The following ARHGAP15 variants were observed in gnomAD, a reference collection of about 807,000 sequenced individuals.
The protein encoded by ARHGAP15 is rho GTPase-activating protein 15.
ARHGAP15 carries 51 observed loss-of-function variants against 63.7 expected under a neutral mutation model. That is an observed-to-expected ratio of 0.80 (90% CI 0.64 to 1.01). ARHGAP15 has a LOEUF of 1.01. Ranked by LOEUF, ARHGAP15 falls within the 50% of genes least tolerant of loss-of-function variation. ARHGAP15 has a pLI of 0.00. For missense variants in ARHGAP15, 560 were observed against 564.6 expected (o/e 0.99, Z 0.08); for synonymous variants, 191 against 193.8 (o/e 0.99, Z 0.12).
rs575995213 is a variant in ARHGAP15, at chr2:143,460,441, A to C, written c.703+23399A>C. Among the ~76,000 whole-genome samples the C allele has an allele frequency of 9.8e-5, 15 of 152,306 alleles. No individual in the cohort carries two copies. In the South Asian group the frequency reaches 3.1e-3, roughly 32 times the overall value. On this transcript the variant is annotated intron_variant, in intron 8 of 13. Coordinates refer to ENST00000295095, the MANE Select transcript of ARHGAP15 (RefSeq NM_018460.4). Reference sequence around the variant, plus strand: ...GAAGGCATGAATGACAGACATCTGGAAAATATATATATATCTAGACACTGA... The same window carrying C: ...GAAGGCATGAATGACAGACATCTGGCAAATATATATATATCTAGACACTGA...
chr2:143,281,315 CA>C (rs1016946184), intron 6 of ARHGAP15, among the ~76,000 whole-genome samples: 4 of 152,016 alleles, frequency 2.6e-5, no homozygotes, highest in African/African-American at 9.7e-5. Flanking sequence ...CACAAGACAC[CA>C]TTAGGCTACT....
At chr2:143,742,086 C>T (rs1685984210) in intron 13 of ARHGAP15, among the ~76,000 whole-genome samples, 1 of 152,136 alleles carries the variant, frequency 6.6e-6, no homozygotes, top group Non-Finnish European at 1.5e-5. Context: ...TATTATTGAC[C>T]ATGCCCATGA....
chr2:143,355,727 C>A (rs943409818), intron 6 of ARHGAP15, among the ~76,000 whole-genome samples: 1 of 151,554 alleles, frequency 6.6e-6, no homozygotes, highest in African/African-American at 2.4e-5. Flanking sequence ...ATCCATAGTA[C>A]CAAAAAAATC....
intron 12 of ARHGAP15, among the ~76,000 whole-genome samples, chr2:143,670,255 G>A (rs1270517380): frequency 6.6e-6 from 1 of 152,098 alleles, no homozygotes. Context: ...CCCTCATAAT[G>A]AGAAGACCTC....
chr2:143,535,917 T>C (rs1694734018), intron 10 of ARHGAP15, among the ~76,000 whole-genome samples: 1 of 152,126 alleles, frequency 6.6e-6, no homozygotes, highest in African/African-American at 2.4e-5. Context: ...ATATAAAACG[T>C]CTTAGTTTTT....
chr2:143,392,169 T>G (rs1273744207), intron 6 of ARHGAP15, among the ~76,000 whole-genome samples: 2 of 152,234 alleles, frequency 1.3e-5, no homozygotes, highest in African/African-American at 4.8e-5. Flanking sequence ...GAAATATACT[T>G]ACAGTCCCTG....
chr2:143,198,268 A>G (rs1391187497), intron 2 of ARHGAP15, among the ~76,000 whole-genome samples: 1 of 152,028 alleles, frequency 6.6e-6, no homozygotes, highest in South Asian at 2.1e-4. Flanking sequence ...ATCTTTGTAT[A>G]AATTTCTCAA....
At chr2:143,223,879 T>G (rs1275028160) in intron 4 of ARHGAP15, among the ~76,000 whole-genome samples, 1 of 152,204 alleles carries the variant, frequency 6.6e-6, no homozygotes, top group South Asian at 2.1e-4. Context: ...CTTACTGGGC[T>G]TCAGTTTTCT....
At chr2:143,155,376 T>C (rs756963786) in intron 1 of ARHGAP15, 101 bp from the exon 2 acceptor site, 10 of 1,139,020 alleles carry the variant, frequency 8.8e-6, no homozygotes, top group African/African-American at 1.6e-5. Flanking sequence ...CTCTTGTTTA[T>C]CAACTTTTAA....
intron 11 of ARHGAP15, among the ~76,000 whole-genome samples, chr2:143,590,515 C>T (rs1218061364): frequency 6.6e-6 from 1 of 152,124 alleles, no homozygotes; most frequent in African/African-American, 2.4e-5. Context: ...CACTCCTGTC[C>T]TCCAGGTCAC....
At chr2:143,549,601 CTCTT>C (rs1459058517) in intron 10 of ARHGAP15, among the ~76,000 whole-genome samples, 1 of 152,170 alleles carries the variant, frequency 6.6e-6, no homozygotes, top group Non-Finnish European at 1.5e-5. Context: ...AACTGGGCTC[CTCTT>C]TCTTTATCCT....
At chr2:143,583,516 G>A (rs149126695) in intron 11 of ARHGAP15, among the ~76,000 whole-genome samples, 5 of 139,260 alleles carry the variant, frequency 3.6e-5, no homozygotes, top group East Asian at 4.3e-4. Context: ...GCTGGCATTC[G>A]TAAAGACAAA....
At chr2:143,543,466 G>A (rs888909835) in intron 10 of ARHGAP15, among the ~76,000 whole-genome samples, 3 of 151,974 alleles carry the variant, frequency 2.0e-5, no homozygotes, top group East Asian at 1.9e-4. Flanking sequence ...CCTGTCAAAT[G>A]TATATTTTGA....
rs148515034 is a variant in ARHGAP15, at chr2:143,222,184, G to A, written c.296+5739G>A. On this transcript the variant is annotated intron_variant, in intron 4 of 13. Transcript: ENST00000295095. ...ATGAGACAGAAGAAGTAAGTTCCTA[G>A]ACCAACCAGTTTGAGAATGAGTCTG... Among the ~76,000 whole-genome samples the A allele has an allele frequency of 8.3e-4, 126 of 152,306 alleles. 1 individual carries two copies. The highest frequency in any genetic ancestry group is 1.5e-3 in the Non-Finnish European group (103 of 68,030).
intron 2 of ARHGAP15, among the ~76,000 whole-genome samples, chr2:143,170,886 G>A (rs1229841787): frequency 1.3e-5 from 2 of 152,068 alleles, no homozygotes; most frequent in Non-Finnish European, 2.9e-5. Context: ...TTACAATGAA[G>A]ACTCCGTGAA....
intron 12 of ARHGAP15, among the ~76,000 whole-genome samples, chr2:143,679,139 GC>G (rs1310367107): frequency 3.0e-5 from 1 of 33,476 alleles, no homozygotes; most frequent in Non-Finnish European, 5.0e-4. Context: ...ATCCACAAAG[GC>G]TAAAAAAAAA....
intron 6 of ARHGAP15, among the ~76,000 whole-genome samples, chr2:143,276,195 A>G (rs1289252942): frequency 6.6e-6 from 1 of 152,230 alleles, no homozygotes; most frequent in Non-Finnish European, 1.5e-5. Flanking sequence ...TATGAAGACC[A>G]TTTATTCAGC....
At chr2:143,295,586 G>A (rs1197740120) in intron 6 of ARHGAP15, 4 of 151,924 alleles carry the variant, frequency 2.6e-5, no homozygotes, top group African/African-American at 9.7e-5. Context: ...TTAATAAATG[G>A]GTAGGATTTC....
chr2:143,685,473 TA>T (rs1683292713), intron 12 of ARHGAP15, among the ~76,000 whole-genome samples: 2 of 152,168 alleles, frequency 1.3e-5, no homozygotes, highest in South Asian at 4.1e-4. Flanking sequence ...TTACCTATGA[TA>T]GAGGGCAGGG....
Sources: allele counts gnomAD v4.1 joint callset (sites outside exome capture counted in the v4.1 genomes callset), GRCh38; gene constraint gnomAD v4.1.1; transcripts MANE v1.5; gene names NCBI Gene and HGNC (gene_info 2026-07-23, HGNC 2026-07-21).